Variants in MKLN1 observed in about 807,000 individuals in gnomAD.
MKLN1 encodes the protein muskelin.
Under a neutral mutation model 99.0 loss-of-function variants are expected in MKLN1, and 18 were observed. The observed-to-expected ratio is 0.18, with a 90% confidence interval of 0.13 to 0.27. The LOEUF is 0.27. Ranked by LOEUF, MKLN1 falls within the 10% of genes least tolerant of loss-of-function variation. The pLI is 1.00. For synonymous variants in MKLN1, 288 were observed against 293.2 expected (o/e 0.98, Z 0.18); for missense variants, 621 against 875.9 (o/e 0.71, Z 3.67).
chr7:131,230,514 G>T (rs1401328107), intron 3 of MKLN1, among the ~76,000 whole-genome samples: 1 of 152,216 alleles, frequency 6.6e-6, no homozygotes, highest in African/African-American at 2.4e-5. Context: ...CTTGGATGTT[G>T]ATCCGTCATG....
rs1692067816 is a variant in MKLN1 at position 131,491,129 on chromosome 7, A to T, written c.*3401A>T. 1 of 152,118 alleles carries T rather than the reference A, an allele frequency of 6.6e-6. No homozygotes were observed. The highest frequency in any genetic ancestry group is 2.4e-5 in the African/African-American group (1 of 41,428). The allele number at this position is 152,118 out of a possible 1,614,324, so 9.4% of individuals were successfully genotyped here. Reference sequence around the variant, plus strand: ...TCACGTGAAATCCTTAGCTGGTTGAATGTTGCACAGTATTTGAGAATTACG... The same window carrying T: ...TCACGTGAAATCCTTAGCTGGTTGATTGTTGCACAGTATTTGAGAATTACG... On this transcript the variant is annotated 3_prime_UTR_variant, in exon 18 of 18. Transcript: ENST00000352689.
chr7:131,136,092 A>G (rs939941330), intron 1 of MKLN1, among the ~76,000 whole-genome samples: 52 of 152,164 alleles, frequency 3.4e-4, no homozygotes, highest in African/African-American at 1.2e-3. Flanking sequence ...CAGTTCATGA[A>G]GGCCTTCATG....
chr7:131,244,190 G>C (rs781767027), intron 3 of MKLN1, among the ~76,000 whole-genome samples: 1 of 152,052 alleles, frequency 6.6e-6, no homozygotes, highest in African/African-American at 2.4e-5. Context: ...GTTAGTTTTC[G>C]GGAATTTGCC....
chr7:131,193,461 G>A (rs534003969), intron 2 of MKLN1, among the ~76,000 whole-genome samples: 20 of 152,262 alleles, frequency 1.3e-4, no homozygotes, highest in Middle Eastern at 3.4e-3. Context: ...TGCCTCCTGG[G>A]TTCAAGTGAT....
intron 10 of MKLN1, among the ~76,000 whole-genome samples, chr7:131,442,735 A>T (rs776894597): frequency 1.1e-4 from 17 of 152,210 alleles, no homozygotes; most frequent in Non-Finnish European, 2.2e-4. Flanking sequence ...CCCAACTTGG[A>T]TTTATGTGTT....
At chr7:131,293,006 G>T (rs1554547929) in intron 3 of MKLN1, among the ~76,000 whole-genome samples, 1 of 152,220 alleles carries the variant, frequency 6.6e-6, no homozygotes, top group Non-Finnish European at 1.5e-5. Flanking sequence ...GCAATAGGAG[G>T]TTGAGTTTAT....
At chr7:131,396,760 C>T (rs1358130364) in intron 4 of MKLN1, among the ~76,000 whole-genome samples, 4 of 152,060 alleles carry the variant, frequency 2.6e-5, no homozygotes, top group Non-Finnish European at 4.4e-5. Flanking sequence ...GGAATGAGAT[C>T]TGTTTGGTTA....
chr7:131,114,468 A>G (rs1795244608), intron 1 of MKLN1, among the ~76,000 whole-genome samples: 1 of 152,202 alleles, frequency 6.6e-6, no homozygotes, highest in Admixed American at 6.5e-5. Context: ...AAGAGAAGGC[A>G]TAGAGAAAGG....
At chr7:131,175,675 GC>G (rs895520460) in intron 2 of MKLN1, among the ~76,000 whole-genome samples, 2 of 152,234 alleles carry the variant, frequency 1.3e-5, no homozygotes, top group Admixed American at 6.5e-5. Flanking sequence ...GCCAAGGCAA[GC>G]GGATCACAAG....
At chr7:131,415,196 A>T (rs1277692489) in intron 8 of MKLN1, among the ~76,000 whole-genome samples, 1 of 151,682 alleles carries the variant, frequency 6.6e-6, no homozygotes, top group African/African-American at 2.4e-5. Flanking sequence ...ACCTAGGAAA[A>T]CTTAATTACC....
At chr7:131,445,336 T>C (rs1363390817) in intron 11 of MKLN1, among the ~76,000 whole-genome samples, 1 of 152,194 alleles carries the variant, frequency 6.6e-6, no homozygotes, top group African/African-American at 2.4e-5. Context: ...GCTCTGTTCC[T>C]GCCACTATAG....
At chr7:131,297,702 T>G (rs1379435219) in intron 3 of MKLN1, among the ~76,000 whole-genome samples, 2 of 152,300 alleles carry the variant, frequency 1.3e-5, no homozygotes, top group South Asian at 2.1e-4. Context: ...CTCCTTATGA[T>G]ACTTTTGAAA....
intron 3 of MKLN1, among the ~76,000 whole-genome samples, chr7:131,204,281 T>G (rs1247431148): frequency 6.6e-6 from 1 of 152,182 alleles, no homozygotes; most frequent in African/African-American, 2.4e-5. Context: ...TTGCCCAGCT[T>G]TGGGGTTTTC....
At chr7:131,381,780 C>G (rs1028703370) in intron 2 of MKLN1, among the ~76,000 whole-genome samples, 2 of 152,024 alleles carry the variant, frequency 1.3e-5, no homozygotes, top group East Asian at 3.8e-4. Context: ...TTTGTCCTCT[C>G]ATCTCCTTCT....
intron 1 of MKLN1, among the ~76,000 whole-genome samples, chr7:131,332,502 TA>T (rs1002027432): frequency 3.3e-5 from 5 of 149,702 alleles, no homozygotes; most frequent in African/African-American, 7.3e-5. Flanking sequence ...TATTTTGATG[TA>T]AAAAATGCTC....
chr7:131,118,294 C>T (rs1429233406), intron 1 of MKLN1, among the ~76,000 whole-genome samples: 1 of 152,158 alleles, frequency 6.6e-6, no homozygotes, highest in Non-Finnish European at 1.5e-5. Flanking sequence ...TGGCTCATGC[C>T]TGTAATCCCA....
chr7:131,173,699 A>G (rs986408305), intron 2 of MKLN1, among the ~76,000 whole-genome samples: 1 of 152,158 alleles, frequency 6.6e-6, no homozygotes. Context: ...AACCTGGGTC[A>G]TAGAGCAAGA....
At chr7:131,148,437 T>C (rs1795844601) in intron 2 of MKLN1, among the ~76,000 whole-genome samples, 1 of 152,184 alleles carries the variant, frequency 6.6e-6, no homozygotes, top group Non-Finnish European at 1.5e-5. Context: ...CATAATTGTT[T>C]AAATTGCCCA....
At chr7:131,480,875 A>G (rs10227451) in intron 17 of MKLN1, among the ~76,000 whole-genome samples, 7,603 of 152,242 alleles carry the variant, frequency 0.05, 506 homozygotes, top group African/African-American at 0.15. Flanking sequence ...AACTATCTCT[A>G]ACTGACTTAT....
Sources: gnomAD v4.1 joint callset for allele counts (sites outside exome capture counted in the v4.1 genomes callset) on GRCh38, gnomAD v4.1.1 for gene constraint, MANE v1.5 for transcripts, NCBI Gene and HGNC (gene_info 2026-07-23, HGNC 2026-07-21) for gene names.